The following LIPA variants were observed in gnomAD, a reference collection of about 807,000 sequenced individuals.
The protein encoded by LIPA is lysosomal acid lipase/cholesteryl ester hydrolase.
Under a neutral mutation model 40.6 loss-of-function variants are expected in LIPA, and 26 were observed. The ratio of observed to expected loss-of-function variants is 0.64; its 90% CI spans 0.47 to 0.89. The LOEUF (loss-of-function observed/expected upper bound fraction) is 0.89, where lower values mean the gene tolerates loss of function less well. LIPA is among the 40% of genes least tolerant of loss of function. LIPA has a pLI of 0.00. For synonymous variants in LIPA, 188 were observed against 168.4 expected, an observed-to-expected ratio of 1.12 and a Z score of -0.90; for missense variants, 455 against 479.6, an observed-to-expected ratio of 0.95 and a Z score of 0.48.
chr10:89,387,581 A>C (rs1016490395), intron 2 of LIPA, among the ~76,000 whole-genome samples: 2 of 152,188 alleles, frequency 1.3e-5, no homozygotes, highest in Non-Finnish European at 2.9e-5. Context: ...AATAAGAAAG[A>C]GAGGAAAAGG....
At chr10:89,298,381 C>A (rs1293614085) in intron 1 of LIPA, among the ~76,000 whole-genome samples, 2 of 152,198 alleles carry the variant, frequency 1.3e-5, no homozygotes, top group Non-Finnish European at 2.9e-5. Flanking sequence ...ATAAACCCCA[C>A]CCTAAACCAT....
intron 1 of LIPA, among the ~76,000 whole-genome samples, chr10:89,315,871 T>C (rs908533237): frequency 6.6e-6 from 1 of 152,192 alleles, no homozygotes; most frequent in Non-Finnish European, 1.5e-5. Flanking sequence ...TCTAGGTCTC[T>C]AGGTCTAAAT....
At chr10:89,373,324 G>A (rs1257220503) in intron 2 of LIPA, among the ~76,000 whole-genome samples, 5 of 111,978 alleles carry the variant, frequency 4.5e-5, no homozygotes, top group African/African-American at 2.0e-4. Flanking sequence ...GACAGAGCGA[G>A]ACTCCCTCTC....
At position 89,306,849 on chromosome 10, in the gene LIPA, T is replaced by C. The variant is rs61729485; in HGVS notation, c.-2+35762A>G. The C allele has an allele frequency of 1.7e-3, 2,705 of 1,614,058 alleles. 47 individuals are homozygous for C. The African/African-American group carries it at 0.032, about 19-fold the overall frequency. ...TGCTATAGGGCAAAAGTCTTCCAAG[T>C]AATGAATCTAAGAGAGAATGGAATG... is the stretch of plus-strand genomic sequence containing the variant. On this transcript the variant is annotated intron_variant, in intron 1 of 5. Transcript: ENST00000282673.
chr10:89,318,180 A>T (rs1376367533), intron 1 of LIPA, among the ~76,000 whole-genome samples: 1 of 152,234 alleles, frequency 6.6e-6, no homozygotes, highest in Non-Finnish European at 1.5e-5. Flanking sequence ...ATAACCAGCT[A>T]ACATGATAAG....
chr10:89,325,215 A>G (rs532426665), intron 1 of LIPA, among the ~76,000 whole-genome samples: 1 of 152,288 alleles, frequency 6.6e-6, no homozygotes, highest in Non-Finnish European at 1.5e-5. Context: ...AACAAAAATA[A>G]CAGATGCTGG....
At position 89,372,972 on chromosome 10, in the gene LIPA, A is replaced by G. The variant is rs74609525; in HGVS notation, c.61+39819T>C. ...GATGTAAATGCTTCCTACAATTTATATAGACAATTCCAGGTGAATGAATAT... is the reference window on the plus strand; with the variant it reads ...GATGTAAATGCTTCCTACAATTTATGTAGACAATTCCAGGTGAATGAATAT... On this transcript the variant is annotated intron_variant, in intron 2 of 8. Transcript: ENST00000371837. Among the ~76,000 whole-genome samples the G allele has an allele frequency of 9.4e-3, 1,433 of 152,314 alleles. 20 individuals are homozygous for G. Among genetic ancestry groups the G allele is most frequent in the African/African-American group, 0.031 (1,281 of 41,554 alleles).
intron 1 of LIPA, among the ~76,000 whole-genome samples, chr10:89,318,834 G>A (rs1052578733): frequency 6.6e-6 from 1 of 152,180 alleles, no homozygotes; most frequent in Non-Finnish European, 1.5e-5. Flanking sequence ...CTCAGCAAAT[G>A]TAAAAGAACA....
chr10:89,225,772 G>A (rs755818867), intron 5 of LIPA, among the ~76,000 whole-genome samples: 3 of 152,148 alleles, frequency 2.0e-5, no homozygotes, highest in African/African-American at 4.8e-5. Flanking sequence ...TGTTGTGGGA[G>A]GGACCTGGTG....
intron 2 of LIPA, among the ~76,000 whole-genome samples, chr10:89,366,885 T>C (rs1197619123): frequency 1.3e-5 from 2 of 152,196 alleles, no homozygotes; most frequent in African/African-American, 4.8e-5. Context: ...CGTATGTTTA[T>C]TGCAGCACTA....
chr10:89,404,692 C>A (rs763178597), intron 2 of LIPA: 1 of 152,220 alleles, frequency 6.6e-6, no homozygotes, highest in South Asian at 2.1e-4. Flanking sequence ...CAGTGGCTCA[C>A]GCCTGTAATC....
intron 3 of LIPA, among the ~76,000 whole-genome samples, chr10:89,230,309 G>A (rs1339311945): frequency 1.3e-5 from 2 of 152,112 alleles, no homozygotes; most frequent in Admixed American, 6.6e-5. Flanking sequence ...CCACTTATTT[G>A]ATTGATTGAT....
At chr10:89,342,330 C>T (rs899095871) in intron 1 of LIPA, among the ~76,000 whole-genome samples, 1 of 152,182 alleles carries the variant, frequency 6.6e-6, no homozygotes, top group African/African-American at 2.4e-5. Context: ...TGGCTGATCA[C>T]AAATCATATC....
intron 1 of LIPA, among the ~76,000 whole-genome samples, chr10:89,299,270 A>G (rs1035958559): frequency 5.9e-5 from 9 of 151,968 alleles, no homozygotes; most frequent in Non-Finnish European, 2.9e-5. Context: ...ACTTGAAGAC[A>G]GGTCTTTTGA....
At chr10:89,336,859 A>G (rs1033418979) in intron 1 of LIPA, among the ~76,000 whole-genome samples, 7 of 152,188 alleles carry the variant, frequency 4.6e-5, no homozygotes, top group African/African-American at 1.7e-4. Flanking sequence ...TCCACTGGTA[A>G]GAAGGAAGAA....
chr10:89,353,269 T>A (rs1398698620), intron 2 of LIPA, among the ~76,000 whole-genome samples: 1 of 152,202 alleles, frequency 6.6e-6, no homozygotes, highest in Non-Finnish European at 1.5e-5. Flanking sequence ...GGCTCAAGCA[T>A]GTGCACTAAG....
rs140250559 is a variant in LIPA at position 89,391,850 on chromosome 10, A to T, written c.61+20941T>A. ...GCCAAGAATCATTATTTTTAACTTG[A>T]TGACTGAAAATAATAATAATAATAG... On this transcript the variant is annotated intron_variant, in intron 2 of 8. Coordinates refer to the LIPA transcript ENST00000371837. Among the ~76,000 whole-genome samples the T allele has an allele frequency of 1.7e-3, 265 of 152,262 alleles. 5 individuals are homozygous for T. The East Asian group carries it at 0.043, about 25-fold the overall frequency.
chr10:89,236,570 T>C (rs1308725289), intron 3 of LIPA, among the ~76,000 whole-genome samples: 1 of 152,118 alleles, frequency 6.6e-6, no homozygotes, highest in African/African-American at 2.4e-5. Context: ...CAAGAAAAAG[T>C]TGAATTGCTT....
At chr10:89,267,528 A>G (rs1176139401) in intron 1 of LIPA, among the ~76,000 whole-genome samples, 2 of 133,418 alleles carry the variant, frequency 1.5e-5, no homozygotes, top group Non-Finnish European at 3.1e-5. Flanking sequence ...GAATTGAACA[A>G]TGAGATCACA....
Sources: gnomAD v4.1 joint callset for allele counts (sites outside exome capture counted in the v4.1 genomes callset) on GRCh38, gnomAD v4.1.1 for gene constraint, MANE v1.5 for transcripts, NCBI Gene and HGNC (gene_info 2026-07-23, HGNC 2026-07-21) for gene names.